Variants in RGS7 observed in about 807,000 individuals in gnomAD.
RGS7 encodes regulator of G-protein signaling 7.
In RGS7, 27 loss-of-function variants were observed where a neutral mutation model predicts 81.1. That is an observed-to-expected ratio of 0.33 (90% confidence interval 0.25 to 0.46). The LOEUF (loss-of-function observed/expected upper bound fraction) is 0.46. Ranked by LOEUF, RGS7 falls within the 20% of genes least tolerant of loss-of-function variation. The pLI, the probability that RGS7 is intolerant of heterozygous loss-of-function variation, is 1.00. For missense variants in RGS7, 396 were observed against 607.4 expected, an observed-to-expected ratio of 0.65 and a Z score of 3.66; for synonymous variants, 208 against 207.7, an observed-to-expected ratio of 1.00 and a Z score of -0.01.
At chr1:240,953,824 G>A (rs1679932609) in intron 4 of RGS7, among the ~76,000 whole-genome samples, 1 of 151,994 alleles carries the variant, frequency 6.6e-6, no homozygotes, top group South Asian at 2.1e-4. Flanking sequence ...GCTGGTTCTT[G>A]TAAAAGGTCA....
chr1:241,207,116 C>CCG (rs1296788179), intron 2 of RGS7, among the ~76,000 whole-genome samples: 2 of 151,266 alleles, frequency 1.3e-5, no homozygotes, highest in East Asian at 2.0e-4. Flanking sequence ...CTACAGGTGC[C>CCG]CACCACCACG....
chr1:240,847,314 C>T (rs559614088), intron 9 of RGS7, among the ~76,000 whole-genome samples: 9 of 152,200 alleles, frequency 5.9e-5, no homozygotes, highest in South Asian at 4.1e-4. Flanking sequence ...TCTCAAGGGT[C>T]GTGTAGGGTA....
At chr1:240,785,334 G>A (rs1684884840) in intron 18 of RGS7, among the ~76,000 whole-genome samples, 1 of 152,154 alleles carries the variant, frequency 6.6e-6, no homozygotes, top group Admixed American at 6.5e-5. Context: ...CTTCAAAGAT[G>A]AACTTCCTAT....
At chr1:241,011,045 A>C (rs2058932046) in intron 3 of RGS7, among the ~76,000 whole-genome samples, 1 of 152,132 alleles carries the variant, frequency 6.6e-6, no homozygotes, top group African/African-American at 2.4e-5. Context: ...TGAATACATA[A>C]CTCTAGTGAA....
rs180803169 is a variant in RGS7 at position 241,012,974 on chromosome 1, T to C, written c.176-29845A>G. Among the ~76,000 whole-genome samples the C allele has an allele frequency of 5.8e-3, 876 of 151,968 alleles. 39 individuals are homozygous for C. The highest frequency in any genetic ancestry group is 0.053 in the Admixed American group (811 of 15,244). On this transcript the variant is annotated intron_variant, in intron 3 of 18. Transcript: ENST00000440928. ...CTCACTCTTACATAACCTGTGATGC[T>C]ACCTCCTCCCAGAAGCCCTAAGCCC...
At chr1:240,924,930 T>C (rs747929761) in intron 6 of RGS7, among the ~76,000 whole-genome samples, 3 of 152,158 alleles carry the variant, frequency 2.0e-5, no homozygotes, top group Non-Finnish European at 2.9e-5. Flanking sequence ...ATGCAAAAAG[T>C]TCAAATGGAC....
chr1:240,814,137 T>C (rs1690375999), intron 12 of RGS7, among the ~76,000 whole-genome samples: 1 of 152,128 alleles, frequency 6.6e-6, no homozygotes, highest in African/African-American at 2.4e-5. Context: ...AGGAATTAAG[T>C]AAAATGGGAG....
intron 2 of RGS7, among the ~76,000 whole-genome samples, chr1:241,253,296 T>C (rs2148227350): frequency 6.6e-6 from 1 of 152,286 alleles, no homozygotes; most frequent in East Asian, 1.9e-4. Context: ...AGGTGAGAAA[T>C]AAAAGCCAGT....
chr1:240,833,457 A>T (rs934901652), intron 9 of RGS7, among the ~76,000 whole-genome samples: 2 of 152,188 alleles, frequency 1.3e-5, no homozygotes, highest in African/African-American at 4.8e-5. Context: ...CTGTATTTAG[A>T]TGGTCCCTGA....
chr1:241,226,325 A>G (rs1158086733), intron 2 of RGS7, among the ~76,000 whole-genome samples: 1 of 152,064 alleles, frequency 6.6e-6, no homozygotes, highest in African/African-American at 2.4e-5. Flanking sequence ...GTTTGAGAGG[A>G]GGCTGGAAGA....
At chr1:241,297,476 G>A (rs191380598) in intron 2 of RGS7, among the ~76,000 whole-genome samples, 6 of 152,292 alleles carry the variant, frequency 3.9e-5, no homozygotes, top group African/African-American at 1.4e-4. Flanking sequence ...TACTGTAAGG[G>A]GATGGGGCGG....
intron 2 of RGS7, among the ~76,000 whole-genome samples, chr1:241,326,410 T>A (rs1240750385): frequency 1.3e-5 from 2 of 152,204 alleles, no homozygotes; most frequent in Non-Finnish European, 2.9e-5. Context: ...ATCCTCCAGC[T>A]ATACCACCTG....
intron 18 of RGS7, among the ~76,000 whole-genome samples, chr1:240,794,627 C>T (rs1435169240): frequency 6.6e-6 from 1 of 152,200 alleles, no homozygotes; most frequent in Non-Finnish European, 1.5e-5. Flanking sequence ...GGACATGACT[C>T]AATCCCGAAC....
chr1:241,182,959 T>C (rs2071768732), intron 2 of RGS7, among the ~76,000 whole-genome samples: 1 of 150,690 alleles, frequency 6.6e-6, no homozygotes, highest in South Asian at 2.1e-4. Context: ...TTTTTTTTTC[T>C]TAAAGAAAGA....
intron 4 of RGS7, among the ~76,000 whole-genome samples, chr1:240,979,447 G>T (rs1191057065): frequency 6.6e-6 from 1 of 152,136 alleles, no homozygotes; most frequent in Non-Finnish European, 1.5e-5. Context: ...TATCAAAATT[G>T]AAGACATGAA....
At chr1:241,135,692 G>A (rs997274278) in intron 2 of RGS7, among the ~76,000 whole-genome samples, 2 of 152,080 alleles carry the variant, frequency 1.3e-5, no homozygotes, top group Non-Finnish European at 2.9e-5. Flanking sequence ...AAAGAGCTTT[G>A]AACAAGATGA....
chr1:240,789,911 T>C (rs890617230), intron 18 of RGS7, among the ~76,000 whole-genome samples: 2 of 152,198 alleles, frequency 1.3e-5, no homozygotes, highest in Non-Finnish European at 2.9e-5. Context: ...AAATCACTAA[T>C]AAAAACTTGC....
intron 4 of RGS7, among the ~76,000 whole-genome samples, chr1:240,972,723 C>T (rs201894059): frequency 4.4e-5 from 2 of 45,030 alleles, no homozygotes; most frequent in Non-Finnish European, 9.7e-5. Flanking sequence ...AAAAAAAAAA[C>T]CCAAAAAGGT....
At chr1:240,838,710 C>T (rs1695094676) in intron 9 of RGS7, among the ~76,000 whole-genome samples, 1 of 152,030 alleles carries the variant, frequency 6.6e-6, no homozygotes, top group Non-Finnish European at 1.5e-5. Flanking sequence ...TCCAAAACAA[C>T]AGAGTCTTTC....
Sources: gnomAD v4.1 joint callset for allele counts (sites outside exome capture counted in the v4.1 genomes callset) on GRCh38, gnomAD v4.1.1 for gene constraint, MANE v1.5 for transcripts, NCBI Gene and HGNC (gene_info 2026-07-23, HGNC 2026-07-21) for gene names.